Variants in SIK3 observed in about 807,000 individuals in gnomAD.
The protein encoded by SIK3 is serine/threonine-protein kinase SIK3.
Under a neutral mutation model 144.2 loss-of-function variants are expected in SIK3, and 28 were observed. That is an observed-to-expected ratio of 0.19 (90% CI 0.14 to 0.27). SIK3 has a LOEUF of 0.27. Among genes scored for constraint, SIK3 ranks in the 10% least tolerant of loss-of-function variants. The probability of loss-of-function intolerance (pLI) is 1.00; values close to 1 mark genes in which losing one functional copy is unlikely to be tolerated. For synonymous variants in SIK3, 686 were observed against 676.3 expected, an observed-to-expected ratio of 1.01 and a Z score of -0.22; for missense variants, 1,319 against 1,776.0, an observed-to-expected ratio of 0.74 and a Z score of 4.62.
At chr11:116,963,911 C>T (rs183809760) in intron 1 of SIK3, among the ~76,000 whole-genome samples, 2 of 152,212 alleles carry the variant, frequency 1.3e-5, no homozygotes, top group East Asian at 1.9e-4. Context: ...TTTAAAAGAA[C>T]CCCAAACCAA....
chr11:116,967,046 G>C (rs1247303583), intron 1 of SIK3, among the ~76,000 whole-genome samples: 1 of 143,762 alleles, frequency 7.0e-6, no homozygotes, highest in African/African-American at 2.6e-5. Flanking sequence ...AAGAAAAAAA[G>C]AAACTTTAGT....
chr11:117,065,863 C>A (rs1017860017), intron 1 of SIK3, among the ~76,000 whole-genome samples: 2 of 151,730 alleles, frequency 1.3e-5, no homozygotes, highest in African/African-American at 4.8e-5. Flanking sequence ...CTCCTGGCCC[C>A]AAGTGATCTG....
chr11:117,044,616 A>G (rs79786251), intron 1 of SIK3, among the ~76,000 whole-genome samples: 66 of 47,270 alleles, frequency 1.4e-3, no homozygotes, highest in Middle Eastern at 0.011. Context: ...TATCACCAAG[A>G]AAAAAAAAAA....
At chr11:117,044,320 T>C (rs1315691092) in intron 1 of SIK3, among the ~76,000 whole-genome samples, 2 of 152,198 alleles carry the variant, frequency 1.3e-5, no homozygotes, top group Non-Finnish European at 2.9e-5. Context: ...CCCATCTCAG[T>C]GATCATAGCA....
rs767454713 is a variant in SIK3 at position 116,858,313 on chromosome 11, CGTT to C, written c.3149_3151del (p.Gln1050del). 6.2e-7 allele frequency: 1 copy of C among 1,612,868 alleles called. No individual in the cohort carries two copies. Among genetic ancestry groups the C allele is most frequent in the Non-Finnish European group, 8.5e-7 (1 of 1,179,162 alleles). On this transcript the variant is annotated inframe_deletion, in exon 21 of 25. Coordinates refer to ENST00000445177, the MANE Select transcript of SIK3 (RefSeq NM_001366686.3). This position sits in a 1 kb window ranked among gnomAD's most constrained non-coding sequence, Gnocchi z 5.4. ...TTGCTGCTGTTGCTGCTGCTGCTGCCGTTGTTGCTGCTGCCTTTTAATGAGCTG... is the reference window on the plus strand; with the variant it reads ...TTGCTGCTGTTGCTGCTGCTGCTGCCGTTGCTGCTGCCTTTTAATGAGCTG...
At position 116,858,635 on chromosome 11, in the gene SIK3, A is replaced by C. The variant is rs913512155; in HGVS notation, c.2830T>G (p.Ser944Ala). Reference sequence around the variant, plus strand: ...CTGGGGGAACCCCGGGACTGGTCCGAAAACAGATGGGGGTGTAAATGCGCC... The same window carrying C: ...CTGGGGGAACCCCGGGACTGGTCCGCAAACAGATGGGGGTGTAAATGCGCC... The part of the protein sequence containing the change: ...DQAHLHPHLF[S>A]DQSRGSPSSY... The change falls in exon 21 of 25, where the codon TCG (serine) becomes GCG (alanine). Residue 944 changes from serine to alanine, a missense_variant. Physicochemically the swap from Ser to Ala is moderately conservative, Grantham distance 99. Coordinates refer to ENST00000445177, the MANE Select transcript of SIK3 (RefSeq NM_001366686.3). This position sits in a 1 kb window ranked among gnomAD's most constrained non-coding sequence, Gnocchi z 5.4. 3.8e-6 allele frequency: 6 copies of C among 1,597,742 alleles called. No individual in the cohort carries two copies. Among genetic ancestry groups the C allele is most frequent in the Non-Finnish European group, 4.3e-6 (5 of 1,172,240 alleles).
chr11:116,969,525 G>C (rs1949693191), intron 1 of SIK3, among the ~76,000 whole-genome samples: 1 of 151,886 alleles, frequency 6.6e-6, no homozygotes, highest in African/African-American at 2.4e-5. Flanking sequence ...GAGGTCTCTG[G>C]GTCACAGGTT....
At chr11:116,911,135 TAAAAC>T (rs550453606) in intron 4 of SIK3, among the ~76,000 whole-genome samples, 4 of 151,960 alleles carry the variant, frequency 2.6e-5, no homozygotes, top group South Asian at 2.1e-4. Flanking sequence ...CCCTGTCTTT[TAAAAC>T]AAAACAAAAC....
At chr11:117,009,463 T>C (rs1313396072) in intron 1 of SIK3, among the ~76,000 whole-genome samples, 1 of 150,022 alleles carries the variant, frequency 6.7e-6, no homozygotes, top group Admixed American at 6.7e-5. Flanking sequence ...AGGAAGCTGA[T>C]GCAGGAGTAT....
In SIK3 at chr11:116,846,229, T is replaced by G. The variant is rs931466509; in HGVS notation, c.*13+154A>C. Among the ~76,000 whole-genome samples, 7 of 152,160 alleles carry G rather than the reference T, an allele frequency of 4.6e-5. No individual in the cohort carries two copies. The highest frequency in any genetic ancestry group is 4.6e-4 in the Admixed American group (7 of 15,284). ...CGCGCCCTAAAACTAGCAGCGTCGT[T>G]AATGAAAAGCAAGAAACTGTGAAGG... On this transcript the variant is annotated intron_variant, in intron 24 of 24. Coordinates refer to ENST00000445177, the MANE Select transcript of SIK3 (RefSeq NM_001366686.3). This position sits in a 1 kb window ranked among gnomAD's most constrained non-coding sequence, Gnocchi z 4.1.
chr11:117,032,393 T>C (rs1184548927), intron 1 of SIK3, among the ~76,000 whole-genome samples: 1 of 152,362 alleles, frequency 6.6e-6, no homozygotes, highest in East Asian at 1.9e-4. Flanking sequence ...TTGTTAGATA[T>C]ATGCTCAAGT....
intron 1 of SIK3, among the ~76,000 whole-genome samples, chr11:116,962,587 A>G (rs964099963): frequency 2.6e-5 from 4 of 152,162 alleles, no homozygotes; most frequent in Non-Finnish European, 5.9e-5. Flanking sequence ...TAACTTCTGT[A>G]GCAAAATTTT....
intron 1 of SIK3, among the ~76,000 whole-genome samples, chr11:117,095,148 G>T (rs2008634): frequency 0.022 from 3,238 of 144,166 alleles, 108 homozygotes; most frequent in African/African-American, 0.078. Context: ...CAATAAATGA[G>T]GTTTACTTTA....
At chr11:116,978,230 T>C (rs1039862825) in intron 1 of SIK3, among the ~76,000 whole-genome samples, 1 of 151,942 alleles carries the variant, frequency 6.6e-6, no homozygotes, top group Non-Finnish European at 1.5e-5. Flanking sequence ...AAAAAATTAC[T>C]ATCCGCATTA....
intron 6 of SIK3, among the ~76,000 whole-genome samples, chr11:116,882,211 GGA>G (rs1395742765): frequency 2.0e-5 from 3 of 152,164 alleles, no homozygotes; most frequent in African/African-American, 7.2e-5. Flanking sequence ...CAAGTTGGAT[GGA>G]TTAATGAGGC....
In SIK3 at chr11:116,846,946, C is replaced by T. The variant is rs1942015795; in HGVS notation, c.3953-393G>A. Among the ~76,000 whole-genome samples the T allele has an allele frequency of 1.3e-5, 2 of 152,186 alleles. No individual in the cohort carries two copies. The highest frequency in any genetic ancestry group is 4.8e-5 in the African/African-American group (2 of 41,436). On this transcript the variant is annotated intron_variant, in intron 23 of 24. Transcript: ENST00000445177. The surrounding 1 kb of genome is among the most constrained non-coding windows in gnomAD (Gnocchi z 4.1). The stretch of plus-strand genomic sequence containing the variant: ...TGTCTTCCAGACACTGTGCTAAGCA[C>T]TTGATACTCACTAAGCCAGCCAGCC...
chr11:116,878,671 C>T lies in SIK3; in HGVS notation c.866-1629G>A, dbSNP rs893995352. Among the ~76,000 whole-genome samples the T allele has an allele frequency of 5.3e-5, 8 of 152,308 alleles. No individual in the cohort carries two copies. In the East Asian group the frequency reaches 5.8e-4, roughly 11 times the overall value. On this transcript the variant is annotated intron_variant, in intron 6 of 24. Coordinates refer to ENST00000445177, the MANE Select transcript of SIK3 (RefSeq NM_001366686.3). ...CTGGGATTACAGGCGTGAGCCACCG[C>T]GCTTGGCCCCCTACTTCCCTCTCTG...
At chr11:116,953,303 A>C (rs888860696) in intron 3 of SIK3, among the ~76,000 whole-genome samples, 1 of 152,202 alleles carries the variant, frequency 6.6e-6, no homozygotes, top group African/African-American at 2.4e-5. Context: ...TAGACAAATA[A>C]AGTATATAAA....
chr11:117,012,729 A>G (rs1237035361), intron 1 of SIK3, among the ~76,000 whole-genome samples: 1 of 151,936 alleles, frequency 6.6e-6, no homozygotes, highest in South Asian at 2.1e-4. Flanking sequence ...CACAATCTCT[A>G]TAATAGTAAT....
Sources: allele counts gnomAD v4.1 joint callset (sites outside exome capture counted in the v4.1 genomes callset), GRCh38; gene constraint gnomAD v4.1.1; non-coding constraint Gnocchi (gnomAD v3.1); transcripts MANE v1.5; gene names NCBI Gene and HGNC (gene_info 2026-07-23, HGNC 2026-07-21).